Variants in PKNOX2 observed in about 807,000 individuals in gnomAD.
PKNOX2 encodes homeobox protein PKNOX2.
In PKNOX2, 14 loss-of-function variants were observed where a neutral mutation model predicts 53.1. The ratio of observed to expected loss-of-function variants is 0.26; its 90% CI spans 0.17 to 0.41. PKNOX2 has a LOEUF of 0.41. Among genes scored for constraint, PKNOX2 ranks in the 10% least tolerant of loss-of-function variants. The pLI, the probability that PKNOX2 is intolerant of heterozygous loss-of-function variation, is 1.00. For missense variants in PKNOX2, 496 were observed against 602.8 expected, an observed-to-expected ratio of 0.82 and a Z score of 1.85; for synonymous variants, 257 against 242.8, an observed-to-expected ratio of 1.06 and a Z score of -0.54.
At chr11:125,381,489 G>C (rs952242546) in intron 5 of PKNOX2, among the ~76,000 whole-genome samples, 4 of 152,084 alleles carry the variant, frequency 2.6e-5, no homozygotes, top group African/African-American at 4.8e-5. Context: ...TTCTGAGACA[G>C]CAGGAGCCAC....
At position 125,410,293 on chromosome 11, in the gene PKNOX2, C is replaced by G; in HGVS notation, c.686C>G (p.Ala229Gly). Residue 229 changes from alanine (A) to glycine (G), a missense_variant, in exon 8 of 13, where the codon GCC (alanine) becomes GGC (glycine). Ala to Gly is a moderately conservative substitution (Grantham distance 60). Around this residue, in one of 5 missense-constraint regions of PKNOX2, gnomAD observed 141 missense variants for 143.9 expected, o/e 0.98. Coordinates refer to ENST00000298282, the MANE Select transcript of PKNOX2 (RefSeq NM_001382323.2). ...PASALQQGNI[A>G]MTTVNSQVVS... Reference sequence around the variant, plus strand: ...TCAGCGCTCCAGCAGGGCAACATCGCCATGACAACCGTCAACTCACAAGTT... The same window carrying G: ...TCAGCGCTCCAGCAGGGCAACATCGGCATGACAACCGTCAACTCACAAGTT... The G allele has an allele frequency of 6.2e-7, 1 of 1,614,070 alleles. No individual in the cohort carries two copies. Among genetic ancestry groups the G allele is most frequent in the Non-Finnish European group, 8.5e-7 (1 of 1,179,994 alleles).
At chr11:125,353,617 G>C (rs576996245) in intron 4 of PKNOX2, among the ~76,000 whole-genome samples, 1 of 152,176 alleles carries the variant, frequency 6.6e-6, no homozygotes, top group Non-Finnish European at 1.5e-5. Context: ...GGCACTGCCC[G>C]AAGGCTCTCC....
At position 125,165,219 on chromosome 11, in the gene PKNOX2, G is replaced by A. The variant is rs1299690689; in HGVS notation, c.-201+443G>A. On this transcript the variant is annotated intron_variant, in intron 1 of 12. Transcript: ENST00000298282. This position sits in a 1 kb window ranked among gnomAD's most constrained non-coding sequence, Gnocchi z 4.5. ...GCCGCGCATTGTCCTCGGGTGCAAG[G>A]AGCCGGGCTGCGGACTCGAATCGCC... 6.6e-6 allele frequency among the ~76,000 whole-genome samples: 1 copy of A among 151,588 alleles called. No individual in the cohort carries two copies. Among genetic ancestry groups the A allele is most frequent in the East Asian group, 1.9e-4 (1 of 5,150 alleles).
At chr11:125,320,741 C>T (rs1368625819) in intron 2 of PKNOX2, among the ~76,000 whole-genome samples, 6 of 152,152 alleles carry the variant, frequency 3.9e-5, no homozygotes, top group Non-Finnish European at 8.8e-5. Flanking sequence ...TGTAAAGATG[C>T]TCTGAGGGTC....
intron 1 of PKNOX2, among the ~76,000 whole-genome samples, chr11:125,211,927 G>C (rs572068575): frequency 3.3e-5 from 5 of 152,080 alleles, no homozygotes; most frequent in African/African-American, 1.2e-4. Flanking sequence ...GACAAGTCAC[G>C]ATGTATTTGG....
chr11:125,223,345 T>C (rs773833900), intron 1 of PKNOX2, among the ~76,000 whole-genome samples: 43 of 152,104 alleles, frequency 2.8e-4, no homozygotes, highest in Non-Finnish European at 6.0e-4. Flanking sequence ...TTCTCCTGCC[T>C]CAGCGTCCTG....
At chr11:125,193,125 A>G (rs561200500) in intron 1 of PKNOX2, among the ~76,000 whole-genome samples, 19 of 152,216 alleles carry the variant, frequency 1.2e-4, no homozygotes, top group Non-Finnish European at 2.8e-4. Flanking sequence ...GAAGGCATTT[A>G]TAGCTTTATA....
intron 2 of PKNOX2, among the ~76,000 whole-genome samples, chr11:125,311,462 G>A (rs149996793): frequency 6.6e-6 from 1 of 152,238 alleles, no homozygotes; most frequent in African/African-American, 2.4e-5. Flanking sequence ...TAGGTAGAAG[G>A]GACAAGGGTT....
At chr11:125,418,305 A>G (rs907302651) in intron 10 of PKNOX2, among the ~76,000 whole-genome samples, 4 of 152,058 alleles carry the variant, frequency 2.6e-5, no homozygotes, top group Admixed American at 1.3e-4. Flanking sequence ...GTTGAAGCAT[A>G]TTCCATGGTA....
chr11:125,429,169 G>A (rs759327821), intron 11 of PKNOX2, 81 bp downstream of exon 11: 438 of 1,336,606 alleles, frequency 3.3e-4, no homozygotes, highest in Non-Finnish European at 4.5e-4. Flanking sequence ...AGGGAAAAGA[G>A]ACTCGAATGC....
intron 1 of PKNOX2, among the ~76,000 whole-genome samples, chr11:125,195,024 G>T (rs1957100430): frequency 6.6e-6 from 1 of 152,142 alleles, no homozygotes; most frequent in African/African-American, 2.4e-5. Flanking sequence ...ATGGAGGCAT[G>T]GAACGCTTAA....
At chr11:125,252,329 G>A (rs1014889661) in intron 2 of PKNOX2, among the ~76,000 whole-genome samples, 5 of 152,164 alleles carry the variant, frequency 3.3e-5, no homozygotes, top group Non-Finnish European at 7.4e-5. Context: ...GGAGAGTCTC[G>A]AAGGACGTGG....
chr11:125,297,021 C>A lies in PKNOX2; in HGVS notation c.-129-34798C>A, dbSNP rs564322217. 2.6e-5 allele frequency among the ~76,000 whole-genome samples: 4 copies of A among 152,292 alleles called. No homozygotes were observed. In the East Asian group the frequency reaches 5.8e-4, roughly 22 times the overall value. On this transcript the variant is annotated intron_variant, in intron 2 of 12. Coordinates refer to ENST00000298282, the MANE Select transcript of PKNOX2 (RefSeq NM_001382323.2). Reference sequence around the variant, plus strand: ...ACTGCTTTAAACCCAGTACCTACAACAATGCCTGGCACATAGCAGGTGATG... The same window carrying A: ...ACTGCTTTAAACCCAGTACCTACAAAAATGCCTGGCACATAGCAGGTGATG...
chr11:125,416,323 A>G (rs904660732), intron 10 of PKNOX2, among the ~76,000 whole-genome samples: 4 of 150,716 alleles, frequency 2.7e-5, no homozygotes, highest in Non-Finnish European at 2.9e-5. Flanking sequence ...AAAAAAAAAA[A>G]AAAAGAAAGT....
At chr11:125,414,269 G>T (rs538958974) in intron 10 of PKNOX2, among the ~76,000 whole-genome samples, 15 of 152,310 alleles carry the variant, frequency 9.8e-5, no homozygotes, top group African/African-American at 3.6e-4. Context: ...TAGGGTAGAG[G>T]ACTTGCCGAA....
intron 2 of PKNOX2, among the ~76,000 whole-genome samples, chr11:125,317,656 A>C (rs1426606909): frequency 6.6e-6 from 1 of 152,144 alleles, no homozygotes; most frequent in South Asian, 2.1e-4. Context: ...TATTCAGTAA[A>C]CCATGTGGTA....
At chr11:125,200,334 A>C (rs905276468) in intron 1 of PKNOX2, among the ~76,000 whole-genome samples, 1 of 152,184 alleles carries the variant, frequency 6.6e-6, no homozygotes, top group Non-Finnish European at 1.5e-5. Context: ...CTACACCTTA[A>C]CTTGTGCCTC....
rs57857482 is a variant in PKNOX2 at position 125,423,085 on chromosome 11, C to T, written c.937-5927C>T. Among the ~76,000 whole-genome samples, 392 of 152,064 alleles carry T rather than the reference C, an allele frequency of 2.6e-3. 2 individuals are homozygous for T. Among genetic ancestry groups the T allele is most frequent in the African/African-American group, 8.6e-3 (358 of 41,458 alleles). ...ACATATGTATACACATACATATATA[C>T]GTATGTATATACACATATATACATA... On this transcript the variant is annotated intron_variant, in intron 10 of 12. Coordinates refer to ENST00000298282, the MANE Select transcript of PKNOX2 (RefSeq NM_001382323.2).
intron 1 of PKNOX2, among the ~76,000 whole-genome samples, chr11:125,168,561 A>T (rs1955052447): frequency 6.6e-6 from 1 of 152,214 alleles, no homozygotes; most frequent in African/African-American, 2.4e-5. Context: ...CTTGGCCTTG[A>T]AGTTTATGGG....
Sources: gnomAD v4.1 joint callset for allele counts (sites outside exome capture counted in the v4.1 genomes callset) on GRCh38, gnomAD v4.1.1 for gene constraint, gnomAD v4.1.1 regional missense constraint, Gnocchi (gnomAD v3.1) non-coding constraint, MANE v1.5 for transcripts, NCBI Gene and HGNC (gene_info 2026-07-23, HGNC 2026-07-21) for gene names.